ZNF419: variants seen among roughly 807,000 people sequenced by gnomAD.
ZNF419 encodes zinc finger protein 419.
ZNF419 carries 8 observed loss-of-function variants against 14.9 expected under a neutral mutation model. The ratio of observed to expected loss-of-function variants is 0.54; its 90% CI spans 0.32 to 0.97. The LOEUF (loss-of-function observed/expected upper bound fraction) is 0.97. Among genes scored for constraint, ZNF419 ranks in the 50% least tolerant of loss-of-function variants. ZNF419 has a pLI of 0.04. For missense variants in ZNF419, 595 were observed against 607.2 expected (o/e 0.98, Z 0.21); for synonymous variants, 211 against 205.3 (o/e 1.03, Z -0.24).
chr19:57,493,828 C>T lies in ZNF419; in HGVS notation c.1271C>T (p.Ala424Val), dbSNP rs1202006813. ...LVRHQRVHTG[A>V]KPYECRECGK... ...AGACATCAGAGGGTTCACACTGGAG[C>T]AAAGCCTTATGAGTGCAGGGAATGT... Residue 424 changes from alanine (A) to valine (V), a missense_variant, in exon 5 of 5, where the codon GCA becomes GTA. By Grantham distance (64) the Ala-to-Val change is moderately conservative (BLOSUM62 0). Coordinates refer to ENST00000221735, the MANE Select transcript of ZNF419 (RefSeq NM_024691.4). 1 of 1,613,398 alleles carries T rather than the reference C, an allele frequency of 6.2e-7. No homozygotes were observed. Among genetic ancestry groups the T allele is most frequent in the Admixed American group, 1.7e-5 (1 of 59,950 alleles).
chr19:57,495,127 G>A lies in ZNF419; in HGVS notation c.*1037G>A, dbSNP rs1390031486. ...AAATTCCTTATTTGATATAAGCATT[G>A]TCAATATTTTCTCATGGTCCATGGC... On this transcript the variant is annotated 3_prime_UTR_variant, in exon 5 of 5. Transcript: ENST00000221735. 6.6e-6 allele frequency: 1 copy of A among 152,076 alleles called. No homozygotes were observed. Among genetic ancestry groups the A allele is most frequent in the Non-Finnish European group, 1.5e-5 (1 of 68,002 alleles). 9.4% of individuals were successfully genotyped at this position (152,076 alleles called of 1,614,324 possible).
rs1447652444 is a variant in ZNF419, at chr19:57,492,667, C to A, written c.299-189C>A. The A allele has an allele frequency of 4.8e-6, 4 of 841,220 alleles. No homozygotes were observed. In the South Asian group the frequency reaches 5.3e-5, roughly 11 times the overall value. The allele number at this position is 841,220 out of a possible 1,614,324, so 52.1% of individuals were successfully genotyped here. On this transcript the variant is annotated intron_variant, in intron 4 of 4. Transcript: ENST00000221735. ...CTTGCATCCTTGGTGCTCATGAGGC[C>A]TCCCCAAATCCTTGAGCTGGCCAGA...
intron 3 of ZNF419, 131 bp downstream of exon 3, chr19:57,491,728 T>G: frequency 7.8e-7 from 1 of 1,278,344 alleles, no homozygotes; most frequent in Non-Finnish European, 1.1e-6. Context: ...CTGAAGTAGC[T>G]ATTGTAATAG....
chr19:57,492,640 TCCTTGCATCCTTGGTGCTCATGAGGCC>T, intron 4 of ZNF419, 189 bp from the exon 5 acceptor site: 1 of 773,220 alleles, frequency 1.3e-6, no homozygotes. Context: ...CTATACCCCA[TCCTTGCATCCTTGGTGCTCATGAGGCC>T]TCCCCAAATC....
intron 1 of ZNF419, chr19:57,489,308 CA>C (rs2089428547): frequency 6.6e-6 from 1 of 152,138 alleles, no homozygotes; most frequent in Non-Finnish European, 1.5e-5. Flanking sequence ...CATATACACA[CA>C]GGGGCAAATA....
At chr19:57,489,640 C>T (rs767580664) in intron 1 of ZNF419, 2 of 154,890 alleles carry the variant, frequency 1.3e-5, no homozygotes, top group Non-Finnish European at 2.9e-5. Context: ...CAGGCATGCA[C>T]CACCACGCTC....
At position 57,490,150 on chromosome 19, in the gene ZNF419, C is replaced by T. The variant is rs868662089; in HGVS notation, c.37C>T (p.Pro13Ser). 3 of 1,613,408 alleles carry T rather than the reference C, an allele frequency of 1.9e-6. No homozygotes were observed. Among genetic ancestry groups the T allele is most frequent in the Admixed American group, 1.7e-5 (1 of 59,954 alleles). ...AAALRDPAQV[P>S]VAADLLTDHE... ...TCATAGTCTTGATTTTCCATAGGTT[C>T]CTGTGGCTGCAGACTTGCTTACAGA... The change falls in exon 2 of 5, where the codon CCT (proline) becomes TCT (serine). Residue 13 changes from proline (P) to serine (S), a missense_variant. Coordinates refer to ENST00000221735, the MANE Select transcript of ZNF419 (RefSeq NM_024691.4).
intron 2 of ZNF419, chr19:57,490,431 T>G (rs548047858): frequency 1.1e-5 from 3 of 273,814 alleles, no homozygotes; most frequent in Non-Finnish European, 2.0e-5. Context: ...CTCGGCTCAC[T>G]GCAACTTCTG....
Position 57,495,525 on chromosome 19 carries a change from G to A in ZNF419, c.*1435G>A, listed in dbSNP as rs901562910. The A allele has an allele frequency of 3.3e-5, 5 of 152,034 alleles. No individual in the cohort carries two copies. Among genetic ancestry groups the A allele is most frequent in the South Asian group, 4.1e-4 (2 of 4,824 alleles). 9.4% of individuals were successfully genotyped at this position (152,034 alleles called of 1,614,324 possible). ...GTGGATCACGAGGTCAGGAGATTGA[G>A]ACCATCCTGGCTAACACAGTGAAAC... On this transcript the variant is annotated 3_prime_UTR_variant, in exon 5 of 5. Coordinates refer to ENST00000221735, the MANE Select transcript of ZNF419 (RefSeq NM_024691.4).
In ZNF419 at chr19:57,493,997, A is replaced by C. The variant is rs774718246; in HGVS notation, c.1440A>C (p.Ala480=). 2 of 1,614,262 alleles carry C rather than the reference A, an allele frequency of 1.2e-6. No homozygotes were observed. Among genetic ancestry groups the C allele is most frequent in the Non-Finnish European group, 1.7e-6 (2 of 1,180,040 alleles). The change falls in exon 5 of 5, where the codon GCA becomes GCC. Residue 480 remains alanine (A), a synonymous_variant. Coordinates refer to ENST00000221735, the MANE Select transcript of ZNF419 (RefSeq NM_024691.4). The stretch of plus-strand genomic sequence containing the variant: ...AACATCAGAGGGTTCACACTGGAGC[A>C]AAGCCTTATGAGTGCAGGGAATGTG... ...LVKHQRVHTG[A]KPYECRECGK...
Position 57,493,245 on chromosome 19 carries a change from A to C in ZNF419, c.688A>C (p.Thr230Pro), listed in dbSNP as rs537818309. 1 of 1,614,260 alleles carries C rather than the reference A, an allele frequency of 6.2e-7. No individual in the cohort carries two copies. Among genetic ancestry groups the C allele is most frequent in the Non-Finnish European group, 8.5e-7 (1 of 1,180,056 alleles). The change falls in exon 5 of 5, where the codon ACG becomes CCG. Residue 230 changes from threonine to proline, a missense_variant. By Grantham distance (38) the Thr-to-Pro change is conservative. Transcript: ENST00000221735. ...QHQRLHAGKK[T>P]YECSECGKLF... ...CCAGAGACTACATGCTGGGAAAAAG[A>C]CGTATGAATGCAGTGAATGTGGGAA... is the stretch of plus-strand genomic sequence containing the variant.
rs773430746 is a variant in ZNF419, at chr19:57,493,823, TG to T, written c.1268del (p.Gly423GlufsTer164). 8.7e-6 allele frequency: 14 copies of T among 1,613,976 alleles called. No individual in the cohort carries two copies. Among genetic ancestry groups the T allele is most frequent in the Non-Finnish European group, 1.2e-5 (14 of 1,179,964 alleles). On this transcript the variant is annotated frameshift_variant, in exon 5 of 5. Coordinates refer to ENST00000221735, the MANE Select transcript of ZNF419 (RefSeq NM_024691.4). LOFTEE classifies it low-confidence loss of function (END_TRUNC). Reference protein sequence around the residue: ...TLVRHQRVHTGAKPYECRECG... With the variant: ...TLVRHQRVHTXAKPYECRECG... ...TAGTTAGACATCAGAGGGTTCACACTGGAGCAAAGCCTTATGAGTGCAGGGA... is the reference window on the plus strand; with the variant it reads ...TAGTTAGACATCAGAGGGTTCACACTGAGCAAAGCCTTATGAGTGCAGGGA...
chr19:57,489,767 G>T, intron 1 of ZNF419: 1 of 191,722 alleles, frequency 5.2e-6, no homozygotes, highest in Non-Finnish European at 1.1e-5. Flanking sequence ...TGGGATTACA[G>T]GTGTGAGCCA....
rs374324322 is a variant in ZNF419, at chr19:57,491,564, A to G, written c.166A>G (p.Met56Val). The G allele has an allele frequency of 2.0e-5, 33 of 1,613,898 alleles. No individual in the cohort carries two copies. Among genetic ancestry groups the G allele is most frequent in the Non-Finnish European group, 2.8e-5 (33 of 1,180,002 alleles). Residue 56 changes from methionine to valine, a missense_variant, in exon 3 of 5, where the codon ATG becomes GTG. Met to Val is a conservative substitution (Grantham distance 21). Coordinates refer to ENST00000221735, the MANE Select transcript of ZNF419 (RefSeq NM_024691.4). ...TCAGAGGCTCCTCTACCGCAATGTG[A>G]TGCTGGAGAACTTTACACTTCTGGC... ...DAQRLLYRNVMLENFTLLASL... is the reference protein window; with the variant it reads ...DAQRLLYRNVVLENFTLLASL...
At chr19:57,489,475 TC>T (rs1600131587) in intron 1 of ZNF419, 1 of 134,998 alleles carries the variant, frequency 7.4e-6, no homozygotes, top group African/African-American at 2.8e-5. Context: ...TCTTTTTCTT[TC>T]TTTCTTTCTT....
chr19:57,492,083 G>A (rs905327282), intron 3 of ZNF419, 30 bp from the exon 4 acceptor site: 1 of 1,559,380 alleles, frequency 6.4e-7, no homozygotes, highest in African/African-American at 1.4e-5. Flanking sequence ...TTCTGGCTCA[G>A]TGCTGCCACT....
chr19:57,487,812 C>G lies in ZNF419; in HGVS notation c.-139C>G. On this transcript the variant is annotated 5_prime_UTR_variant, in exon 1 of 5. Coordinates refer to ENST00000221735, the MANE Select transcript of ZNF419 (RefSeq NM_024691.4). The stretch of plus-strand genomic sequence containing the variant: ...AGAAGCTGGTTGTGCGCTGAGGCGA[C>G]CAGCGCCGGAAGGCACGGTGGCGAC... 1.6e-6 allele frequency: 2 copies of G among 1,272,900 alleles called. No individual in the cohort carries two copies. Among genetic ancestry groups the G allele is most frequent in the South Asian group, 2.5e-5 (2 of 80,780 alleles). 78.9% of individuals were successfully genotyped at this position (1,272,900 alleles called of 1,614,324 possible). A position where few individuals can be genotyped will look rare whatever the true frequency, so the allele number is the denominator to read the frequency against.
Position 57,493,700 on chromosome 19 carries a change from CCAATGCT to C in ZNF419, c.1147_1153del (p.Cys383AlafsTer30). 1 of 1,613,950 alleles carries C rather than the reference CCAATGCT, an allele frequency of 6.2e-7. No individual in the cohort carries two copies. The highest frequency in any genetic ancestry group is 2.2e-5 in the East Asian group (1 of 44,848). On this transcript the variant is annotated frameshift_variant, in exon 5 of 5. Coordinates refer to ENST00000221735, the MANE Select transcript of ZNF419 (RefSeq NM_024691.4). LOFTEE classifies it low-confidence loss of function (END_TRUNC). ...GCAGCGACTGTGGGAAATTTTTTAC[CCAATGCT>C]CAAGCCTCATGCAACATCAAAAAGT...
Position 57,495,878 on chromosome 19 carries a change from T to C in ZNF419, c.*1788T>C, listed in dbSNP as rs1303862082. ...AAATAATTCAATATATAGATAAATG[T>C]GTACATATTCCCTATCTTTACTGAG... On this transcript the variant is annotated 3_prime_UTR_variant, in exon 5 of 5. Coordinates refer to ENST00000221735, the MANE Select transcript of ZNF419 (RefSeq NM_024691.4). 1 of 151,992 alleles carries C rather than the reference T, an allele frequency of 6.6e-6. No homozygotes were observed. Among genetic ancestry groups the C allele is most frequent in the South Asian group, 2.1e-4 (1 of 4,824 alleles). The allele number at this position is 151,992 out of a possible 1,614,324, so 9.4% of individuals were successfully genotyped here.
Sources: gnomAD v4.1 joint callset for allele counts on GRCh38, gnomAD v4.1.1 for gene constraint, MANE v1.5 for transcripts, NCBI Gene and HGNC (gene_info 2026-07-23, HGNC 2026-07-21) for gene names.